TRPS1: variants seen among roughly 807,000 people sequenced by gnomAD.
The protein encoded by TRPS1 is zinc finger transcription factor Trps1.
In TRPS1, 6 loss-of-function variants were observed where a neutral mutation model predicts 101.2. The observed-to-expected ratio is 0.06, with a 90% CI of 0.03 to 0.12. TRPS1 has a LOEUF of 0.12. TRPS1 is among the 10% of genes least tolerant of loss of function. TRPS1 has a pLI of 1.00. For synonymous variants in TRPS1, 578 were observed against 589.8 expected (o/e 0.98, Z 0.29); for missense variants, 1,363 against 1,567.0 (o/e 0.87, Z 2.20).
intron 5 of TRPS1, among the ~76,000 whole-genome samples, chr8:115,464,768 G>A (rs148880811): frequency 2.0e-3 from 301 of 152,122 alleles, no homozygotes; most frequent in Non-Finnish European, 3.4e-3. Context: ...ACATCTAACC[G>A]ATACATCATT....
intron 5 of TRPS1, among the ~76,000 whole-genome samples, chr8:115,586,759 A>C (rs1310787601): frequency 1.3e-5 from 2 of 152,234 alleles, no homozygotes; most frequent in African/African-American, 4.8e-5. Flanking sequence ...ACCAACATTC[A>C]ATCTGAGCTA....
At chr8:115,649,356 TAGAGGG>T (rs1811507741) in intron 1 of TRPS1, among the ~76,000 whole-genome samples, 1 of 152,158 alleles carries the variant, frequency 6.6e-6, no homozygotes, top group Admixed American at 6.5e-5. Flanking sequence ...AGAAACAAAG[TAGAGGG>T]AGCCTCAGCT....
At chr8:115,628,258 T>C (rs1040683424) in intron 1 of TRPS1, among the ~76,000 whole-genome samples, 8 of 151,784 alleles carry the variant, frequency 5.3e-5, no homozygotes, top group African/African-American at 9.7e-5. Flanking sequence ...AGGACAACCA[T>C]AGACATATCC....
intron 3 of TRPS1, among the ~76,000 whole-genome samples, chr8:115,611,094 G>T (rs1818152332): frequency 6.8e-6 from 1 of 146,352 alleles, no homozygotes; most frequent in South Asian, 2.2e-4. Flanking sequence ...TCCAGCCTGG[G>T]CAACAGAGCA....
rs552801690 is a variant in TRPS1 at position 115,666,159 on chromosome 8, G to T, written c.-122+2386C>A. Among the ~76,000 whole-genome samples, 14 of 152,164 alleles carry T rather than the reference G, an allele frequency of 9.2e-5. No homozygotes were observed. In the East Asian group the frequency reaches 2.7e-3, roughly 29 times the overall value. On this transcript the variant is annotated intron_variant, in intron 1 of 6. Transcript: ENST00000395715. ...AGCCCTGTATATTGAACTGAATCTA[G>T]AGATGTTTTTATCCAAAGGTGTAGC...
At chr8:115,429,039 A>G (rs1027609020) in intron 5 of TRPS1, among the ~76,000 whole-genome samples, 2 of 152,202 alleles carry the variant, frequency 1.3e-5, no homozygotes, top group Non-Finnish European at 2.9e-5. Context: ...AGTTTTAATA[A>G]CATGATTTTT....
Position 115,414,145 on chromosome 8 carries a change from G to A in TRPS1, c.3763C>T (p.Pro1255Ser), listed in dbSNP as rs1812854474. 6.2e-7 allele frequency: 1 copy of A among 1,613,994 alleles called. No individual in the cohort carries two copies. The highest frequency in any genetic ancestry group is 1.1e-5 in the South Asian group (1 of 91,084). The stretch of plus-strand genomic sequence containing the variant: ...TGCTGGCATATGCTGCACTGGAAAG[G>A]TCCACTGTCACCATGGCAACTCATA... ...LHMSCHGDSGPFQCSICQHLC... is the reference protein window; with the variant it reads ...LHMSCHGDSGSFQCSICQHLC... The change falls in exon 7 of 7, where the codon CCT becomes TCT. Residue 1255 changes from proline to serine, a missense_variant. Coordinates refer to ENST00000395715, the MANE Select transcript of TRPS1 (RefSeq NM_014112.5). This position sits in a 1 kb window ranked among gnomAD's most constrained non-coding sequence, Gnocchi z 4.8.
chr8:115,569,966 A>G lies in TRPS1; in HGVS notation c.2700+17035T>C, dbSNP rs114331970. Among the ~76,000 whole-genome samples the G allele has an allele frequency of 4.9e-3, 746 of 152,214 alleles. 2 individuals are homozygous for G. The highest frequency in any genetic ancestry group is 0.017 in the African/African-American group (712 of 41,546). ...TTTGGAGTCATGATTTAACAAATAG[A>G]CTTTTTAGGTTTGAACTGAAACTTT... is the stretch of plus-strand genomic sequence containing the variant. On this transcript the variant is annotated intron_variant, in intron 5 of 6. Transcript: ENST00000395715.
At chr8:115,630,265 C>A (rs564609917) in intron 1 of TRPS1, among the ~76,000 whole-genome samples, 1 of 151,976 alleles carries the variant, frequency 6.6e-6, no homozygotes, top group African/African-American at 2.4e-5. Flanking sequence ...CTACAGAATT[C>A]GGGCAGAAAT....
At chr8:115,423,659 C>T (rs944560087) in intron 5 of TRPS1, among the ~76,000 whole-genome samples, 2 of 152,150 alleles carry the variant, frequency 1.3e-5, no homozygotes, top group Non-Finnish European at 2.9e-5. Context: ...TTTAGGTTCA[C>T]GGCTAACACC....
intron 3 of TRPS1, among the ~76,000 whole-genome samples, chr8:115,608,700 T>C (rs766628388): frequency 2.0e-5 from 3 of 151,612 alleles, no homozygotes; most frequent in Non-Finnish European, 4.4e-5. Context: ...ATGATAAAAA[T>C]GTTCCATAGC....
Position 115,604,924 on chromosome 8 carries a change from T to C in TRPS1, c.1045A>G (p.Lys349Glu). ...CCCATATAAGTGAAATTGCAGAATT[T>C]ACAGCGGAAATACTTGGTGTTCCCT... is the stretch of plus-strand genomic sequence containing the variant. ...CQGNTKYFRC[K>E]FCNFTYMGNS... The change falls in exon 4 of 7, where the codon AAA (lysine) becomes GAA (glutamate). Residue 349 changes from lysine to glutamate, a missense_variant. By Grantham distance (56) the Lys-to-Glu change is moderately conservative. This residue lies in a region of TRPS1 where 1,020 missense variants were observed against 1,073.0 expected (regional missense o/e 0.95). Coordinates refer to ENST00000395715, the MANE Select transcript of TRPS1 (RefSeq NM_014112.5). The surrounding 1 kb of genome is among the most constrained non-coding windows in gnomAD (Gnocchi z 4.1). 6.2e-7 allele frequency: 1 copy of C among 1,614,042 alleles called. No individual in the cohort carries two copies. The highest frequency in any genetic ancestry group is 8.5e-7 in the Non-Finnish European group (1 of 1,179,960).
chr8:115,526,436 A>G (rs1262757370), intron 5 of TRPS1, among the ~76,000 whole-genome samples: 2 of 152,194 alleles, frequency 1.3e-5, no homozygotes, highest in Admixed American at 1.3e-4. Context: ...AGTAGGTAAT[A>G]TATTTTAAAA....
intron 5 of TRPS1, among the ~76,000 whole-genome samples, chr8:115,498,530 C>A (rs958769761): frequency 1.3e-5 from 2 of 149,036 alleles, no homozygotes; most frequent in African/African-American, 2.5e-5. Flanking sequence ...CAGTTTTAAT[C>A]TTGGAGAGTA....
intron 5 of TRPS1, among the ~76,000 whole-genome samples, chr8:115,448,373 T>C (rs1307487382): frequency 2.0e-5 from 3 of 152,228 alleles, no homozygotes; most frequent in African/African-American, 7.2e-5. Flanking sequence ...ACAAATGTAG[T>C]TCAGCTCTCA....
intron 5 of TRPS1, among the ~76,000 whole-genome samples, chr8:115,500,603 T>A (rs952741938): frequency 6.6e-6 from 1 of 152,174 alleles, no homozygotes; most frequent in Non-Finnish European, 1.5e-5. Flanking sequence ...GAATAGGTTT[T>A]CAGTCACCCA....
chr8:115,445,810 G>A (rs371275261), intron 5 of TRPS1, among the ~76,000 whole-genome samples: 1 of 152,060 alleles, frequency 6.6e-6, no homozygotes, highest in African/African-American at 2.4e-5. Flanking sequence ...CCTTATTGTT[G>A]TACTGTCACA....
Position 115,623,650 on chromosome 8 carries a change from T to A in TRPS1, c.-13A>T, listed in dbSNP as rs1393396101. On this transcript the variant is annotated 5_prime_UTR_variant, in exon 2 of 7. Coordinates refer to ENST00000395715, the MANE Select transcript of TRPS1 (RefSeq NM_014112.5). ...CTTCATAAGGCATGTGGCTTTAGAGTGCTTTTTACAATTATTAATTCTATT... is the reference window on the plus strand; with the variant it reads ...CTTCATAAGGCATGTGGCTTTAGAGAGCTTTTTACAATTATTAATTCTATT... 1.9e-6 allele frequency: 3 copies of A among 1,611,550 alleles called. No individual in the cohort carries two copies. The highest frequency in any genetic ancestry group is 2.5e-6 in the Non-Finnish European group (3 of 1,178,764).
intron 4 of TRPS1, among the ~76,000 whole-genome samples, chr8:115,591,651 T>C (rs1817681184): frequency 6.6e-6 from 1 of 152,050 alleles, no homozygotes; most frequent in Non-Finnish European, 1.5e-5. Flanking sequence ...AAACCGCCCA[T>C]GGTACAGGTG....
Sources: gnomAD v4.1 joint callset for allele counts (sites outside exome capture counted in the v4.1 genomes callset) on GRCh38, gnomAD v4.1.1 for gene constraint, gnomAD v4.1.1 regional missense constraint, Gnocchi (gnomAD v3.1) non-coding constraint, MANE v1.5 for transcripts, NCBI Gene and HGNC (gene_info 2026-07-23, HGNC 2026-07-21) for gene names.